SLC22A9: variants seen among roughly 807,000 people sequenced by gnomAD.
SLC22A9 encodes the protein organic anion transporter 7.
SLC22A9 carries 64 observed loss-of-function variants against 50.1 expected under a neutral mutation model. The ratio of observed to expected loss-of-function variants is 1.28; its 90% CI spans 1.04 to 1.57. The LOEUF is 1.57. Among genes scored for constraint, SLC22A9 ranks in the 40% most tolerant of loss-of-function variants. The pLI is 0.00. For synonymous variants in SLC22A9, 261 were observed against 242.5 expected (o/e 1.08, Z -0.71); for missense variants, 757 against 676.1 (o/e 1.12, Z -1.33).
chr11:63,386,687 T>TA, intron 6 of SLC22A9, among the ~76,000 whole-genome samples: 1 of 151,856 alleles, frequency 6.6e-6, no homozygotes, highest in East Asian at 1.9e-4. Context: ...TGCCATTTTT[T>TA]ATTGTGTCTA....
chr11:63,369,864 C>T lies in SLC22A9; in HGVS notation c.-193C>T, dbSNP rs1423204864. 1.9e-6 allele frequency: 1 copy of T among 535,442 alleles called. No individual in the cohort carries two copies. Among genetic ancestry groups the T allele is most frequent in the Non-Finnish European group, 3.2e-6 (1 of 310,916 alleles). The allele number at this position is 535,442 out of a possible 1,614,324, so 33.2% of individuals were successfully genotyped here. A position where few individuals can be genotyped will look rare whatever the true frequency, so the allele number is the denominator to read the frequency against. On this transcript the variant is annotated 5_prime_UTR_variant, in exon 1 of 10. Coordinates refer to ENST00000279178, the MANE Select transcript of SLC22A9 (RefSeq NM_080866.3). ...GACTTTAGAGAAAACGGCTACCTAT[C>T]TGACCCCAAAACGACTTGAGGAAAC... is the stretch of plus-strand genomic sequence containing the variant.
intron 6 of SLC22A9, among the ~76,000 whole-genome samples, chr11:63,398,756 T>C (rs2014904183): frequency 6.6e-6 from 1 of 152,224 alleles, no homozygotes. Context: ...TCAGTGTCTC[T>C]TTCAGTGATA....
intron 6 of SLC22A9, among the ~76,000 whole-genome samples, chr11:63,399,389 G>A (rs2014916871): frequency 6.6e-6 from 1 of 152,106 alleles, no homozygotes; most frequent in Non-Finnish European, 1.5e-5. Flanking sequence ...GCAAAAAAGA[G>A]CAGGAGCTGC....
chr11:63,379,586 C>T (rs781674749), intron 5 of SLC22A9, among the ~76,000 whole-genome samples: 27 of 151,966 alleles, frequency 1.8e-4, no homozygotes, highest in Non-Finnish European at 3.4e-4. Context: ...AAACAGAAAA[C>T]CTATAGAATG....
chr11:63,380,329 C>T (rs1438489927), intron 5 of SLC22A9, among the ~76,000 whole-genome samples: 2 of 152,160 alleles, frequency 1.3e-5, no homozygotes, highest in Non-Finnish European at 2.9e-5. Flanking sequence ...CAGCAATCTA[C>T]TACTGGGTGT....
intron 2 of SLC22A9, among the ~76,000 whole-genome samples, chr11:63,372,303 G>A (rs2014374638): frequency 6.8e-6 from 1 of 146,924 alleles, no homozygotes. Flanking sequence ...TCACTCAACT[G>A]TTTATGATAT....
At chr11:63,408,958 G>A in intron 9 of SLC22A9, 79 bp downstream of exon 9, 1 of 1,442,106 alleles carries the variant, frequency 6.9e-7, no homozygotes, top group African/African-American at 1.4e-5. Context: ...TACCATTTAG[G>A]GCCACTGTCC....
intron 6 of SLC22A9, among the ~76,000 whole-genome samples, chr11:63,392,469 C>T (rs1338931477): frequency 2.0e-5 from 3 of 151,926 alleles, no homozygotes; most frequent in South Asian, 4.1e-4. Context: ...ATGTTTGAGG[C>T]TATTTTTTGG....
intron 6 of SLC22A9, among the ~76,000 whole-genome samples, chr11:63,399,547 ATAAAG>A (rs1160400162): frequency 6.6e-6 from 1 of 152,202 alleles, no homozygotes; most frequent in Non-Finnish European, 1.5e-5. Flanking sequence ...ACCTAGATAT[ATAAAG>A]TAAATACTAC....
At chr11:63,377,909 T>G (rs868455541) in intron 5 of SLC22A9, among the ~76,000 whole-genome samples, 1 of 152,114 alleles carries the variant, frequency 6.6e-6, no homozygotes. Flanking sequence ...ACTCAGAGAC[T>G]ATTACAAACG....
At chr11:63,409,388 T>G (rs867811308) in intron 9 of SLC22A9, among the ~76,000 whole-genome samples, 5 of 151,964 alleles carry the variant, frequency 3.3e-5, no homozygotes, top group Middle Eastern at 6.8e-3. Flanking sequence ...GAATAAGAAT[T>G]GTCTTGGGCC....
At position 63,373,898 on chromosome 11, in the gene SLC22A9, CG is replaced by C; in HGVS notation, c.667del (p.Glu223SerfsTer24). On this transcript the variant is annotated frameshift_variant, in exon 4 of 10. Coordinates refer to ENST00000279178, the MANE Select transcript of SLC22A9 (RefSeq NM_080866.3). LOFTEE classifies it high-confidence loss of function. The stretch of plus-strand genomic sequence containing the variant: ...CTTATCTGTTTTTTCTTCCAGTAGC[CG>C]AGTGGGCAACACACAGATTCCAGGC... ...LITNTIMLIA[E>X]WATHRFQAMG... is the part of the protein sequence containing the mutation. 1 of 1,612,682 alleles carries C rather than the reference CG, an allele frequency of 6.2e-7. No individual in the cohort carries two copies.
rs755018473 is a variant in SLC22A9 at position 63,406,585 on chromosome 11, G to T, written c.1162G>T (p.Ala388Ser). 3 of 1,613,856 alleles carry T rather than the reference G, an allele frequency of 1.9e-6. No homozygotes were observed. The highest frequency in any genetic ancestry group is 4.5e-5 in the East Asian group (2 of 44,880). The change falls in exon 7 of 10, where the codon GCA (alanine) becomes TCA (serine). Residue 388 changes from alanine to serine, a missense_variant. Coordinates refer to ENST00000279178, the MANE Select transcript of SLC22A9 (RefSeq NM_080866.3). ...TTTCCTGTTGCAGACTCTCTTTGGT[G>T]CAGTCATCCTCCTGGCCAACTGTGT... ...NVFLLQTLFG[A>S]VILLANCVAP...
At chr11:63,377,113 C>A (rs984926481) in intron 5 of SLC22A9, among the ~76,000 whole-genome samples, 1 of 152,058 alleles carries the variant, frequency 6.6e-6, no homozygotes, top group Non-Finnish European at 1.5e-5. Context: ...GAATTCAACA[C>A]CCCACTGGCA....
At chr11:63,391,196 T>G (rs1440335868) in intron 6 of SLC22A9, among the ~76,000 whole-genome samples, 1 of 152,142 alleles carries the variant, frequency 6.6e-6, no homozygotes, top group African/African-American at 2.4e-5. Flanking sequence ...TAATATAATT[T>G]CAATTATTTT....
chr11:63,389,330 C>G (rs1052751181), intron 6 of SLC22A9, among the ~76,000 whole-genome samples: 35 of 152,016 alleles, frequency 2.3e-4, no homozygotes, highest in Non-Finnish European at 4.1e-4. Context: ...TATCCCTCCC[C>G]CTTCCCCCAA....
intron 5 of SLC22A9, among the ~76,000 whole-genome samples, chr11:63,376,709 A>G (rs1210536857): frequency 4.6e-5 from 7 of 152,050 alleles, no homozygotes; most frequent in Non-Finnish European, 1.0e-4. Context: ...ACATATTAAT[A>G]TTAACCTTAA....
intron 1 of SLC22A9, among the ~76,000 whole-genome samples, chr11:63,370,754 C>T (rs1032060126): frequency 2.0e-5 from 3 of 152,152 alleles, no homozygotes; most frequent in Non-Finnish European, 4.4e-5. Context: ...CTCAGCCTGT[C>T]ATTGCAAATT....
At chr11:63,376,386 C>A (rs1036503340) in intron 5 of SLC22A9, among the ~76,000 whole-genome samples, 14 of 151,836 alleles carry the variant, frequency 9.2e-5, no homozygotes, top group Admixed American at 3.3e-4. Flanking sequence ...CATTTTAATC[C>A]ACCCCAGATC....
Sources: allele counts gnomAD v4.1 joint callset (sites outside exome capture counted in the v4.1 genomes callset), GRCh38; gene constraint gnomAD v4.1.1; transcripts MANE v1.5; gene names NCBI Gene and HGNC (gene_info 2026-07-23, HGNC 2026-07-21).